The following B3GALT1 variants were observed in gnomAD, a reference collection of about 807,000 sequenced individuals.
B3GALT1 encodes beta-1,3-galactosyltransferase 1.
A neutral mutation model predicts 23.2 loss-of-function variants in B3GALT1; 10 were observed. The observed-to-expected ratio is 0.43, with a 90% confidence interval of 0.27 to 0.73. The LOEUF (loss-of-function observed/expected upper bound fraction) is 0.73. Ranked by LOEUF, B3GALT1 falls within the 30% of genes least tolerant of loss-of-function variation. The pLI is 0.21. For synonymous variants in B3GALT1, 156 were observed against 141.5 expected (o/e 1.10, Z -0.73); for missense variants, 299 against 405.4 (o/e 0.74, Z 2.25).
chr2:167,303,200 G>A (rs1696479775), intron 1 of B3GALT1, among the ~76,000 whole-genome samples: 2 of 152,086 alleles, frequency 1.3e-5, no homozygotes, highest in South Asian at 2.1e-4. Flanking sequence ...CAGAACATAA[G>A]GTAGGGCCAA....
chr2:167,520,082 A>G (rs2105360608), intron 2 of B3GALT1, among the ~76,000 whole-genome samples: 1 of 152,144 alleles, frequency 6.6e-6, no homozygotes, highest in South Asian at 2.1e-4. Context: ...TATTAATATG[A>G]AAGATGGAAT....
At position 167,327,798 on chromosome 2, in the gene B3GALT1, A is replaced by T. The variant is rs532610423; in HGVS notation, c.-511+34464A>T. On this transcript the variant is annotated intron_variant, in intron 1 of 4. Coordinates refer to ENST00000392690, the MANE Select transcript of B3GALT1 (RefSeq NM_020981.4). Reference sequence around the variant, plus strand: ...TGAAAGTGGGCATCCTTGTCTTGTTACAGTTCTTACAGGAAAGGCTTTCAA... The same window carrying T: ...TGAAAGTGGGCATCCTTGTCTTGTTTCAGTTCTTACAGGAAAGGCTTTCAA... Among the ~76,000 whole-genome samples, 5 of 151,498 alleles carry T rather than the reference A, an allele frequency of 3.3e-5. No homozygotes were observed. The South Asian group carries it at 1.0e-3, about 32-fold the overall frequency.
chr2:167,420,007 A>T lies in B3GALT1; in HGVS notation c.-510-70170A>T, dbSNP rs146512369. Among the ~76,000 whole-genome samples, 730 of 152,310 alleles carry T rather than the reference A, an allele frequency of 4.8e-3. 5 individuals carry two copies. The highest frequency in any genetic ancestry group is 0.018 in the East Asian group (94 of 5,186). ...TAAAACATAATTAAATATCATCTTG[A>T]TGGGATCCCTCTTATAAGATTAGTC... On this transcript the variant is annotated intron_variant, in intron 1 of 4. Coordinates refer to ENST00000392690, the MANE Select transcript of B3GALT1 (RefSeq NM_020981.4).
intron 2 of B3GALT1, among the ~76,000 whole-genome samples, chr2:167,547,084 A>T (rs1683649936): frequency 6.6e-6 from 1 of 152,210 alleles, no homozygotes; most frequent in Admixed American, 6.5e-5. Flanking sequence ...GGGCTGGCTC[A>T]GTCCCACCAC....
At chr2:167,693,854 T>C (rs919833595) in intron 3 of B3GALT1, among the ~76,000 whole-genome samples, 2 of 152,154 alleles carry the variant, frequency 1.3e-5, no homozygotes, top group African/African-American at 2.4e-5. Context: ...TGCTGTATAA[T>C]AGACCACCCC....
At chr2:167,359,874 A>G (rs2105262001) in intron 1 of B3GALT1, among the ~76,000 whole-genome samples, 2 of 152,178 alleles carry the variant, frequency 1.3e-5, no homozygotes, top group East Asian at 3.9e-4. Context: ...AAGTAGTGTT[A>G]TTACATGTTA....
intron 1 of B3GALT1, among the ~76,000 whole-genome samples, chr2:167,296,492 C>A (rs964910385): frequency 6.6e-6 from 1 of 151,994 alleles, no homozygotes; most frequent in African/African-American, 2.4e-5. Flanking sequence ...CTCTTTCTTT[C>A]GCTCTCTCTC....
At chr2:167,700,616 C>A (rs963734371) in intron 3 of B3GALT1, among the ~76,000 whole-genome samples, 1 of 152,118 alleles carries the variant, frequency 6.6e-6, no homozygotes, top group Non-Finnish European at 1.5e-5. Context: ...TAATGGAACA[C>A]CCCTTTGCTG....
intron 2 of B3GALT1, among the ~76,000 whole-genome samples, chr2:167,576,520 GTTTTTTTTTTTGTT>G (rs1376836988): frequency 3.3e-5 from 4 of 122,428 alleles, no homozygotes; most frequent in East Asian, 2.2e-4. Context: ...TTGTTTTTCT[GTTTTTTTTTTTGTT>G]TTTTTTTTTT....
chr2:167,297,405 A>AAAC (rs1696368719), intron 1 of B3GALT1, among the ~76,000 whole-genome samples: 7 of 151,818 alleles, frequency 4.6e-5, no homozygotes. Flanking sequence ...TAAAAAAAAA[A>AAAC]AACTAGGTTT....
chr2:167,589,476 A>G (rs1322194750), intron 2 of B3GALT1, among the ~76,000 whole-genome samples: 1 of 152,168 alleles, frequency 6.6e-6, no homozygotes, highest in Non-Finnish European at 1.5e-5. Flanking sequence ...TAAAATGTAC[A>G]TTCTTACAAG....
At chr2:167,374,174 C>A (rs1168031702) in intron 1 of B3GALT1, among the ~76,000 whole-genome samples, 3 of 152,136 alleles carry the variant, frequency 2.0e-5, no homozygotes, top group Non-Finnish European at 2.9e-5. Flanking sequence ...TGCGTCCATG[C>A]AGCTGGCAAT....
intron 1 of B3GALT1, among the ~76,000 whole-genome samples, chr2:167,294,965 A>G (rs1023971164): frequency 6.6e-6 from 1 of 152,240 alleles, no homozygotes; most frequent in Non-Finnish European, 1.5e-5. Context: ...TAAGGCACGT[A>G]ATAGAAATGC....
intron 4 of B3GALT1, among the ~76,000 whole-genome samples, chr2:167,850,848 C>T (rs553387609): frequency 1.5e-4 from 23 of 152,188 alleles, no homozygotes; most frequent in Admixed American, 9.2e-4. Context: ...GGATAAAAGA[C>T]TACAAATATG....
intron 3 of B3GALT1, among the ~76,000 whole-genome samples, chr2:167,794,031 C>T (rs1415814356): frequency 2.6e-5 from 4 of 152,168 alleles, no homozygotes; most frequent in African/African-American, 9.7e-5. Flanking sequence ...TTCTCCACCA[C>T]CAGATATCTT....
intron 4 of B3GALT1, among the ~76,000 whole-genome samples, chr2:167,822,825 A>G (rs1689137225): frequency 6.6e-6 from 1 of 152,162 alleles, no homozygotes; most frequent in East Asian, 1.9e-4. Context: ...ACCCGAGGGC[A>G]CTTTTTACTA....
rs897665300 is a variant in B3GALT1, at chr2:167,367,925, C to A, written c.-511+74591C>A. Among the ~76,000 whole-genome samples, 2 of 152,150 alleles carry A rather than the reference C, an allele frequency of 1.3e-5. 1 individual carries two copies. Among genetic ancestry groups the A allele is most frequent in the Non-Finnish European group, 2.9e-5 (2 of 68,030 alleles). On this transcript the variant is annotated intron_variant, in intron 1 of 4. Transcript: ENST00000392690. ...TAGCAAATCAAATATAACAGGACTT[C>A]AAAAGCAAGAGTTTTCCAATTTATT... is the stretch of plus-strand genomic sequence containing the variant.
In B3GALT1 at chr2:167,869,790, A is replaced by G. The variant is rs763607267; in HGVS notation, c.751A>G (p.Ile251Val). Residue 251 changes from isoleucine to valine, a missense_variant, in exon 5 of 5, where the codon ATT (isoleucine) becomes GTT (valine). Ile to Val is a conservative substitution (Grantham distance 29). Around this residue, in one of 3 missense-constraint regions of B3GALT1, gnomAD observed 133 missense variants for 204.8 expected, o/e 0.65. Transcript: ENST00000392690. This position sits in a 1 kb window ranked among gnomAD's most constrained non-coding sequence, Gnocchi z 6.4. ...YIFSADVAEL[I>V]YKTSLHTRLL... ...CTTTTCAGCCGATGTAGCTGAACTC[A>G]TTTACAAGACCTCACTCCACACAAG... 6.2e-7 allele frequency: 1 copy of G among 1,614,122 alleles called. No homozygotes were observed. Among genetic ancestry groups the G allele is most frequent in the South Asian group, 1.1e-5 (1 of 91,078 alleles).
intron 2 of B3GALT1, among the ~76,000 whole-genome samples, chr2:167,601,855 AC>A (rs1388973309): frequency 6.6e-6 from 1 of 152,254 alleles, no homozygotes; most frequent in African/African-American, 2.4e-5. Flanking sequence ...TCAGCAGTGA[AC>A]ATGAAAAGCT....
Sources: gnomAD v4.1 joint callset for allele counts (sites outside exome capture counted in the v4.1 genomes callset) on GRCh38, gnomAD v4.1.1 for gene constraint, gnomAD v4.1.1 regional missense constraint, Gnocchi (gnomAD v3.1) non-coding constraint, MANE v1.5 for transcripts, NCBI Gene and HGNC (gene_info 2026-07-23, HGNC 2026-07-21) for gene names.